The following RLIG1 variants were observed in gnomAD, a reference collection of about 807,000 sequenced individuals.
RLIG1 encodes RNA 5'-phosphate and 3'-OH ligase 1, also known as RNA ligase 1.
chr12:88,045,304 T>C, the RLIG1 span: 1 of 285,766 alleles, frequency 3.5e-6, no homozygotes, highest in African/African-American at 2.2e-5. Context: ...CTTAGAATAA[T>C]GTTCAGTTCT....
At chr12:88,039,251 G>A in the RLIG1 span, among the ~76,000 whole-genome samples, 1 of 152,116 alleles carries the variant, frequency 6.6e-6, no homozygotes, top group African/African-American at 2.4e-5. Context: ...AATGTGACCT[G>A]AGACAGGAGT....
chr12:88,043,652 C>T, the RLIG1 span: 5 of 1,612,846 alleles, frequency 3.1e-6, no homozygotes, highest in Non-Finnish European at 4.2e-6. Context: ...GTGCTGGATA[C>T]CAGCAAAGGA....
At chr12:88,037,408 C>T in the RLIG1 span, among the ~76,000 whole-genome samples, 2 of 152,014 alleles carry the variant, frequency 1.3e-5, no homozygotes, top group Non-Finnish European at 2.9e-5. Flanking sequence ...CTCAGTGTCT[C>T]GTGTTGTCCT....
chr12:88,040,000 C>G, the RLIG1 span: 1 of 615,890 alleles, frequency 1.6e-6, no homozygotes. Context: ...CGGAACTTCA[C>G]AGAATAAATA....
At chr12:88,044,420 T>C in the RLIG1 span, 1 of 152,188 alleles carries the variant, frequency 6.6e-6, no homozygotes, top group Non-Finnish European at 1.5e-5. Context: ...TAGGAAGATA[T>C]CCCAGATTAA....
the RLIG1 span, chr12:88,045,350 C>T: frequency 9.8e-6 from 4 of 409,162 alleles, no homozygotes; most frequent in African/African-American, 8.2e-5. Context: ...TAAGAGAATG[C>T]TAGGTGCTGT....
the RLIG1 span, chr12:88,048,570 T>G: frequency 3.8e-6 from 2 of 528,554 alleles, no homozygotes; most frequent in Non-Finnish European, 6.0e-6. Flanking sequence ...CAAGTACCTA[T>G]TCAAAATTTT....
chr12:88,048,992 G>A, the RLIG1 span: 3 of 384,054 alleles, frequency 7.8e-6, no homozygotes, highest in Non-Finnish European at 1.4e-5. Context: ...GCTGTAACAA[G>A]TCTTCAAGTA....
At chr12:88,048,276 A>C in the RLIG1 span, 2 of 1,596,948 alleles carry the variant, frequency 1.3e-6, no homozygotes, top group Non-Finnish European at 1.7e-6. Context: ...AATTCCAGAT[A>C]CTTACATGAA....
the RLIG1 span, chr12:88,047,027 A>G: frequency 1.8e-5 from 26 of 1,484,952 alleles, no homozygotes; most frequent in African/African-American, 1.1e-4. Context: ...TATTCCTACA[A>G]TAGAGTAGAA....
At chr12:88,046,293 A>G in the RLIG1 span, among the ~76,000 whole-genome samples, 1 of 152,120 alleles carries the variant, frequency 6.6e-6, no homozygotes, top group Non-Finnish European at 1.5e-5. Flanking sequence ...AAAATCCTAT[A>G]TGGAGATCAA....
At chr12:88,036,094 T>A in the RLIG1 span, 1 of 1,348,618 alleles carries the variant, frequency 7.4e-7, no homozygotes, top group Non-Finnish European at 9.7e-7. Context: ...CAGTCCAAGC[T>A]TTACTACTTT....
At chr12:88,042,923 T>C in the RLIG1 span, 1 of 1,538,094 alleles carries the variant, frequency 6.5e-7, no homozygotes, top group Non-Finnish European at 8.7e-7. Flanking sequence ...CCCAAAAGGT[T>C]AGTTTTTTTT....
the RLIG1 span, among the ~76,000 whole-genome samples, chr12:88,040,680 A>G: frequency 6.6e-6 from 1 of 152,180 alleles, no homozygotes; most frequent in Non-Finnish European, 1.5e-5. Context: ...CACTGATTCC[A>G]GGGGCTTTAT....
the RLIG1 span, chr12:88,049,551 A>G: frequency 2.5e-5 from 15 of 606,808 alleles, no homozygotes; most frequent in African/African-American, 2.4e-4. Context: ...CAGAAGAATT[A>G]AGATTTTTCT....
the RLIG1 span, chr12:88,049,127 A>ATATT: frequency 9.9e-7 from 1 of 1,010,950 alleles, no homozygotes; most frequent in South Asian, 1.6e-5. Flanking sequence ...ATTTCCAAGT[A>ATATT]TATTTAACTT....
chr12:88,049,436 A>G, the RLIG1 span: 22,613 of 1,180,658 alleles, frequency 0.019, 294 homozygotes, highest in East Asian at 0.037. Context: ...ATTATCTTTA[A>G]AAGTTGCATA....
the RLIG1 span, among the ~76,000 whole-genome samples, chr12:88,037,147 T>C: frequency 6.6e-6 from 1 of 152,188 alleles, no homozygotes; most frequent in African/African-American, 2.4e-5. Context: ...TGTGAACATA[T>C]CAACCACAAT....
At chr12:88,049,201 TAAC>T in the RLIG1 span, 2 of 1,593,148 alleles carry the variant, frequency 1.3e-6, no homozygotes. Flanking sequence ...ATGGGGAAAT[TAAC>T]AGGACTTTCT....
Sources: gnomAD v4.1 joint callset for allele counts (sites outside exome capture counted in the v4.1 genomes callset) on GRCh38, gnomAD v4.1.1 for gene constraint, MANE v1.5 for transcripts, NCBI Gene and HGNC (gene_info 2026-07-23, HGNC 2026-07-21) for gene names.